The following UGT1A7 variants were observed in gnomAD, a reference collection of about 807,000 sequenced individuals.
UGT1A7 encodes UDP glucuronosyltransferase family 1 member A7.
UGT1A7 carries 33 observed loss-of-function variants against 45.6 expected under a neutral mutation model. The observed-to-expected ratio is 0.72, with a 90% CI of 0.55 to 0.97. The LOEUF is 0.97. Among genes scored for constraint, UGT1A7 ranks in the 50% least tolerant of loss-of-function variants. The probability of loss-of-function intolerance (pLI) is 0.00; values close to 1 mark genes in which losing one functional copy is unlikely to be tolerated. For synonymous variants in UGT1A7, 274 were observed against 250.6 expected (o/e 1.09, Z -0.88); for missense variants, 684 against 666.2 (o/e 1.03, Z -0.29).
intron 1 of UGT1A7, chr2:233,760,706 T>G (rs1396464237): frequency 2.5e-6 from 4 of 1,614,118 alleles, no homozygotes; most frequent in African/African-American, 1.3e-5. Flanking sequence ...ATGGCCTCCC[T>G]GGCAGAAAGC....
intron 1 of UGT1A7, among the ~76,000 whole-genome samples, chr2:233,699,825 A>G (rs556434145): frequency 1.3e-5 from 2 of 152,320 alleles, no homozygotes; most frequent in South Asian, 2.1e-4. Flanking sequence ...GTAGTTCTCA[A>G]ATAGAACTAA....
chr2:233,712,023 T>C lies in UGT1A7; in HGVS notation c.855+29231T>C, dbSNP rs2076210876. 2.6e-5 allele frequency among the ~76,000 whole-genome samples: 4 copies of C among 152,212 alleles called. No homozygotes were observed. The South Asian group carries it at 8.3e-4, about 32-fold the overall frequency. ...TGGAGGAACCATTCTTATCAGAACT[T>C]GGTGCTGGATTGACTTGGAAAAAAG... On this transcript the variant is annotated intron_variant, in intron 1 of 4. Coordinates refer to ENST00000373426, the MANE Select transcript of UGT1A7 (RefSeq NM_019077.3).
At chr2:233,760,916 T>G (rs1345834782) in intron 1 of UGT1A7, 6 of 1,614,048 alleles carry the variant, frequency 3.7e-6, no homozygotes, top group African/African-American at 2.7e-5. Flanking sequence ...CTGCAGCGGG[T>G]GAAGAACATG....
intron 1 of UGT1A7, chr2:233,756,080 A>T (rs1179999635): frequency 6.6e-6 from 1 of 152,234 alleles, no homozygotes; most frequent in African/African-American, 2.4e-5. Flanking sequence ...GACAATGAGA[A>T]AATCAAGTAA....
At chr2:233,699,073 C>T (rs1349522020) in intron 1 of UGT1A7, among the ~76,000 whole-genome samples, 1 of 152,198 alleles carries the variant, frequency 6.6e-6, no homozygotes, top group African/African-American at 2.4e-5. Context: ...CTGCCCAGGG[C>T]CTTCTCTCTA....
chr2:233,717,499 G>T (rs570547635), intron 1 of UGT1A7, among the ~76,000 whole-genome samples: 12 of 152,304 alleles, frequency 7.9e-5, no homozygotes, highest in Non-Finnish European at 1.5e-4. Context: ...TATCAATGTG[G>T]ATTTCTAATG....
At chr2:233,687,291 G>A (rs558730054) in intron 1 of UGT1A7, among the ~76,000 whole-genome samples, 1 of 152,220 alleles carries the variant, frequency 6.6e-6, no homozygotes, top group South Asian at 2.1e-4. Context: ...GAACAACATG[G>A]TGAGATATCA....
At position 233,773,229 on chromosome 2, in the gene UGT1A7, G is replaced by T. The variant is rs71539604; in HGVS notation, c.*670G>T. On this transcript the variant is annotated 3_prime_UTR_variant, in exon 5 of 5. Transcript: ENST00000373426. ...AAAACCCAAAATACAGCTATGAAGT[G>T]CTGGGCAAGTTTACTTTTTTTCTGA... 2 of 152,312 alleles carry T rather than the reference G, an allele frequency of 1.3e-5. No individual in the cohort carries two copies. The highest frequency in any genetic ancestry group is 2.9e-5 in the Non-Finnish European group (2 of 68,032). The allele number at this position is 152,312 out of a possible 1,614,324, so 9.4% of individuals were successfully genotyped here.
At chr2:233,716,367 TG>T (rs1364638273) in intron 1 of UGT1A7, among the ~76,000 whole-genome samples, 9 of 152,348 alleles carry the variant, frequency 5.9e-5, no homozygotes, top group African/African-American at 2.2e-4. Flanking sequence ...TTTGTGGGGC[TG>T]TGATTCTGCC....
intron 1 of UGT1A7, among the ~76,000 whole-genome samples, chr2:233,683,306 A>G (rs1199443258): frequency 6.6e-6 from 1 of 152,132 alleles, no homozygotes; most frequent in East Asian, 1.9e-4. Flanking sequence ...AGGTCAATGC[A>G]TACAGATTTG....
intron 1 of UGT1A7, among the ~76,000 whole-genome samples, chr2:233,728,172 A>G (rs1397087886): frequency 6.6e-6 from 1 of 152,220 alleles, no homozygotes; most frequent in Admixed American, 6.5e-5. Context: ...TGGAGGAACC[A>G]TTCTTATCAG....
chr2:233,736,619 C>G (rs1245621807), intron 1 of UGT1A7, among the ~76,000 whole-genome samples: 1 of 152,186 alleles, frequency 6.6e-6, no homozygotes, highest in Non-Finnish European at 1.5e-5. Flanking sequence ...GAATTTTCAG[C>G]TTTTCTGCTC....
chr2:233,755,044 C>T (rs1695716601), intron 1 of UGT1A7: 3 of 1,324,814 alleles, frequency 2.3e-6, no homozygotes, highest in East Asian at 4.6e-5. Flanking sequence ...CCTGCGCAGC[C>T]GCCCTCCGCC....
intron 1 of UGT1A7, among the ~76,000 whole-genome samples, chr2:233,687,326 C>T (rs1474310989): frequency 1.3e-5 from 2 of 152,066 alleles, no homozygotes; most frequent in South Asian, 2.1e-4. Context: ...ATGCAAGTTT[C>T]CCTTGAATGA....
At chr2:233,705,239 T>C (rs1425135036) in intron 1 of UGT1A7, among the ~76,000 whole-genome samples, 1 of 152,242 alleles carries the variant, frequency 6.6e-6, no homozygotes, top group Non-Finnish European at 1.5e-5. Flanking sequence ...TTTTTCTGTA[T>C]GAATTCAGAT....
intron 1 of UGT1A7, chr2:233,691,214 A>G (rs999693118): frequency 4.9e-5 from 48 of 985,374 alleles, no homozygotes; most frequent in Non-Finnish European, 5.7e-5. Flanking sequence ...TCCCTTTGCA[A>G]CCTTCCTGGA....
chr2:233,713,640 C>T, intron 1 of UGT1A7: 1 of 1,613,940 alleles, frequency 6.2e-7, no homozygotes. Flanking sequence ...CATGCTCTAC[C>T]CTCTGGCCCT....
chr2:233,755,915 AGTGGC>A (rs1696065119), intron 1 of UGT1A7: 1 of 150,558 alleles, frequency 6.6e-6, no homozygotes, highest in Non-Finnish European at 1.5e-5. Flanking sequence ...TAGTGAGAAG[AGTGGC>A]ATCGTTTTAC....
At chr2:233,723,213 CTTTT>C (rs201420005) in intron 1 of UGT1A7, among the ~76,000 whole-genome samples, 3 of 88,884 alleles carry the variant, frequency 3.4e-5, no homozygotes, top group African/African-American at 5.6e-5. Context: ...TCAAAACTGA[CTTTT>C]TTTTTTTTTT....
Sources: gnomAD v4.1 joint callset for allele counts (sites outside exome capture counted in the v4.1 genomes callset) on GRCh38, gnomAD v4.1.1 for gene constraint, MANE v1.5 for transcripts, NCBI Gene and HGNC (gene_info 2026-07-23, HGNC 2026-07-21) for gene names.